VPS13B: variants seen among roughly 807,000 people sequenced by gnomAD.
The protein encoded by VPS13B is intermembrane lipid transfer protein VPS13B.
VPS13B carries 285 observed loss-of-function variants against 426.4 expected under a neutral mutation model. The ratio of observed to expected loss-of-function variants is 0.67; its 90% CI spans 0.61 to 0.74. The LOEUF is 0.74. Among genes scored for constraint, VPS13B ranks in the 30% least tolerant of loss-of-function variants. VPS13B has a pLI of 0.00. For synonymous variants in VPS13B, 1,676 were observed against 1,676.4 expected (o/e 1.00, Z 0.01); for missense variants, 4,537 against 4,782.6 (o/e 0.95, Z 1.51).
At chr8:99,090,267 C>CT (rs1205594894) in intron 3 of VPS13B, among the ~76,000 whole-genome samples, 10,382 of 136,128 alleles carry the variant, frequency 0.076, 561 homozygotes, top group African/African-American at 0.14. Flanking sequence ...TAATCATAAA[C>CT]TTTTTTTTTT....
intron 16 of VPS13B, among the ~76,000 whole-genome samples, chr8:99,191,712 G>A (rs764293977): frequency 6.6e-5 from 10 of 151,970 alleles, no homozygotes; most frequent in Non-Finnish European, 1.5e-4. Context: ...CCTGGTCCTC[G>A]ATTTCCTGGG....
At chr8:99,697,695 C>G in intron 35 of VPS13B, 1 of 637,430 alleles carries the variant, frequency 1.6e-6, no homozygotes. Flanking sequence ...TGATCTCACA[C>G]CTGGAGATGG....
At chr8:99,744,110 A>T (rs1563894971) in intron 39 of VPS13B, among the ~76,000 whole-genome samples, 2 of 152,190 alleles carry the variant, frequency 1.3e-5, no homozygotes, top group African/African-American at 2.4e-5. Flanking sequence ...ATCTACAAAG[A>T]ACTCAGACAA....
intron 19 of VPS13B, among the ~76,000 whole-genome samples, chr8:99,312,967 G>A (rs1369488733): frequency 2.0e-5 from 3 of 152,130 alleles, no homozygotes; most frequent in Admixed American, 2.0e-4. Flanking sequence ...AATCGGCTAA[G>A]GAAGGTTGTG....
At chr8:99,871,143 A>T (rs773367639) in intron 60 of VPS13B, 6 of 598,304 alleles carry the variant, frequency 1.0e-5, no homozygotes, top group Non-Finnish European at 1.8e-5. Context: ...AGAGAAACCC[A>T]GTCTTGCTAG....
chr8:99,233,097 C>T, intron 17 of VPS13B: 1 of 1,375,882 alleles, frequency 7.3e-7, no homozygotes, highest in Non-Finnish European at 1.0e-6. Context: ...TCTACTCCTG[C>T]TGCTTCACCT....
intron 19 of VPS13B, among the ~76,000 whole-genome samples, chr8:99,367,111 A>G (rs564036188): frequency 6.6e-6 from 1 of 152,150 alleles, no homozygotes; most frequent in South Asian, 2.1e-4. Context: ...GTACCTTCAG[A>G]TGTTTTCTTA....
chr8:99,206,891 AT>A (rs1262786218), intron 17 of VPS13B, among the ~76,000 whole-genome samples: 1 of 66,178 alleles, frequency 1.5e-5, no homozygotes, highest in African/African-American at 4.1e-5. Context: ...TCTAAGATAT[AT>A]ATTTTTGAGA....
At chr8:99,085,499 G>T (rs933542299) in intron 3 of VPS13B, among the ~76,000 whole-genome samples, 1 of 152,146 alleles carries the variant, frequency 6.6e-6, no homozygotes, top group African/African-American at 2.4e-5. Context: ...CTGTCAGTAT[G>T]ATGTTAGCTG....
chr8:99,499,186 C>G (rs1821096069), intron 25 of VPS13B, among the ~76,000 whole-genome samples: 1 of 152,096 alleles, frequency 6.6e-6, no homozygotes, highest in African/African-American at 2.4e-5. Context: ...TTCAGCATCT[C>G]CATTTCCGGC....
chr8:99,464,849 A>G (rs1423570648), intron 23 of VPS13B, among the ~76,000 whole-genome samples: 2 of 152,130 alleles, frequency 1.3e-5, no homozygotes, highest in Non-Finnish European at 2.9e-5. Flanking sequence ...GTGTTTGGTC[A>G]TCATTTTCTT....
intron 33 of VPS13B, among the ~76,000 whole-genome samples, chr8:99,613,425 C>A (rs1827924894): frequency 6.6e-6 from 1 of 152,144 alleles, no homozygotes; most frequent in African/African-American, 2.4e-5. Flanking sequence ...TCTTATTTGC[C>A]CATCTATCCA....
At chr8:99,660,218 T>C (rs778282222) in intron 34 of VPS13B, among the ~76,000 whole-genome samples, 3 of 152,208 alleles carry the variant, frequency 2.0e-5, no homozygotes, top group Non-Finnish European at 4.4e-5. Context: ...AAGGTTCATA[T>C]GTGCCAAATT....
At chr8:99,541,292 G>C (rs1351807540) in intron 30 of VPS13B, among the ~76,000 whole-genome samples, 1 of 151,956 alleles carries the variant, frequency 6.6e-6, no homozygotes, top group Non-Finnish European at 1.5e-5. Context: ...TTTTGATATG[G>C]TACTAAATCA....
At chr8:99,048,085 C>T (rs1265067322) in intron 3 of VPS13B, among the ~76,000 whole-genome samples, 4 of 152,092 alleles carry the variant, frequency 2.6e-5, no homozygotes, top group Non-Finnish European at 5.9e-5. Context: ...TTTTAATTTC[C>T]ATATTGATAT....
chr8:99,232,927 C>T, intron 17 of VPS13B: 2 of 601,568 alleles, frequency 3.3e-6, no homozygotes, highest in East Asian at 5.6e-5. Flanking sequence ...CCTCCGCAGA[C>T]TTCTCATTCC....
chr8:99,411,335 T>A (rs1174838274), intron 21 of VPS13B, among the ~76,000 whole-genome samples: 1 of 152,266 alleles, frequency 6.6e-6, no homozygotes, highest in Non-Finnish European at 1.5e-5. Flanking sequence ...TTTATTCATA[T>A]GATTGTAGGC....
intron 33 of VPS13B, among the ~76,000 whole-genome samples, chr8:99,641,220 T>C (rs1829343630): frequency 6.6e-6 from 1 of 152,234 alleles, no homozygotes; most frequent in Non-Finnish European, 1.5e-5. Context: ...TTTGTCCTTG[T>C]TTTAAGTCCT....
At chr8:99,142,900 G>C in intron 12 of VPS13B, 74 bp from the exon 13 acceptor site, 2 of 1,477,908 alleles carry the variant, frequency 1.4e-6, no homozygotes, top group Non-Finnish European at 1.8e-6. Context: ...ATAAAAATGA[G>C]AGAAGAGCGA....
Sources: gnomAD v4.1 joint callset for allele counts (sites outside exome capture counted in the v4.1 genomes callset) on GRCh38, gnomAD v4.1.1 for gene constraint, MANE v1.5 for transcripts, NCBI Gene and HGNC (gene_info 2026-07-23, HGNC 2026-07-21) for gene names.